BNC2: variants seen among roughly 807,000 people sequenced by gnomAD.
BNC2 encodes the protein basonuclin zinc finger protein 2.
BNC2 carries 20 observed loss-of-function variants against 76.3 expected under a neutral mutation model. That is an observed-to-expected ratio of 0.26 (90% CI 0.18 to 0.38). BNC2 has a LOEUF of 0.38. BNC2 is among the 10% of genes least tolerant of loss of function. BNC2 has a pLI of 1.00. For missense variants in BNC2, 1,382 were observed against 1,399.8 expected (o/e 0.99, Z 0.20); for synonymous variants, 582 against 514.8 (o/e 1.13, Z -1.77).
chr9:16,593,197 A>T (rs575560249), intron 3 of BNC2, among the ~76,000 whole-genome samples: 90 of 152,260 alleles, frequency 5.9e-4, no homozygotes, highest in Non-Finnish European at 1.1e-3. Context: ...CCAAGATACA[A>T]ATTTGGCTTA....
rs1420236905 is a variant in BNC2 at position 16,746,737 on chromosome 9, C to T, written c.4-8252G>A. The stretch of plus-strand genomic sequence containing the variant: ...CAGCACTTTTGGAGGCCGAGGCAGG[C>T]GGATCATGAGGTCAGGAGATCGAGA... On this transcript the variant is annotated intron_variant, in intron 1 of 6. Transcript: ENST00000380672. Among the ~76,000 whole-genome samples, 4 of 151,192 alleles carry T rather than the reference C, an allele frequency of 2.6e-5. No homozygotes were observed. The East Asian group carries it at 8.1e-4, about 31-fold the overall frequency.
rs552635960 is a variant in BNC2, at chr9:16,528,464, T to C, written c.669+24066A>G. On this transcript the variant is annotated intron_variant, in intron 5 of 6. Transcript: ENST00000380672. ...GAGTTGAGAGGAACAACTTCCACTG[T>C]TGATTTTCTAAATGTTAATATATGA... Among the ~76,000 whole-genome samples, 7 of 152,310 alleles carry C rather than the reference T, an allele frequency of 4.6e-5. No homozygotes were observed. In the East Asian group the frequency reaches 9.7e-4, roughly 21 times the overall value.
intron 5 of BNC2, among the ~76,000 whole-genome samples, chr9:16,443,064 CA>C (rs908689709): frequency 0.12 from 7,549 of 63,630 alleles, 105 homozygotes; most frequent in Middle Eastern, 0.25. Flanking sequence ...GAGACTCTGT[CA>C]AAAAAAAAAA....
intron 1 of BNC2, among the ~76,000 whole-genome samples, chr9:16,802,435 G>A (rs977583377): frequency 1.3e-5 from 2 of 152,156 alleles, no homozygotes; most frequent in African/African-American, 4.8e-5. Context: ...CCCATTCACT[G>A]GTGCTACAAT....
intron 1 of BNC2, among the ~76,000 whole-genome samples, chr9:16,740,499 T>C (rs1443555228): frequency 6.6e-6 from 1 of 152,232 alleles, no homozygotes; most frequent in Non-Finnish European, 1.5e-5. Flanking sequence ...TAAGAGTGAA[T>C]GTCTTTGTAG....
At chr9:16,450,012 T>C (rs1019440169) in intron 5 of BNC2, among the ~76,000 whole-genome samples, 2 of 152,236 alleles carry the variant, frequency 1.3e-5, no homozygotes, top group Non-Finnish European at 2.9e-5. Flanking sequence ...ATCATTTTTT[T>C]TCAGTGACTT....
At chr9:16,791,932 A>G (rs1459530827) in intron 1 of BNC2, among the ~76,000 whole-genome samples, 1 of 152,028 alleles carries the variant, frequency 6.6e-6, no homozygotes, top group Non-Finnish European at 1.5e-5. Flanking sequence ...GCAAAACTCC[A>G]TCTCTATCAA....
At chr9:16,458,042 T>G (rs1176748245) in intron 5 of BNC2, among the ~76,000 whole-genome samples, 1 of 152,134 alleles carries the variant, frequency 6.6e-6, no homozygotes, top group African/African-American at 2.4e-5. Flanking sequence ...TGTCTGTCTT[T>G]ATTTGAGCAC....
Position 16,731,591 on chromosome 9 carries a change from G to A in BNC2, c.130-3594C>T, listed in dbSNP as rs76732957. ...CTTCTGATGTTGATGATGTTTTAAC[G>A]TTTAAAATCTTCCAAGAAAAGGAAT... On this transcript the variant is annotated intron_variant, in intron 2 of 6. Coordinates refer to ENST00000380672, the MANE Select transcript of BNC2 (RefSeq NM_017637.6). 2.2e-3 allele frequency among the ~76,000 whole-genome samples: 329 copies of A among 152,262 alleles called. 1 individual carries two copies. The East Asian group carries it at 0.023, about 11-fold the overall frequency.
chr9:16,464,345 G>C (rs1189439224), intron 5 of BNC2, among the ~76,000 whole-genome samples: 1 of 151,892 alleles, frequency 6.6e-6, no homozygotes, highest in Non-Finnish European at 1.5e-5. Flanking sequence ...AGGTCATTAG[G>C]ATTAAGATTA....
chr9:16,512,499 C>A (rs958324785), intron 5 of BNC2, among the ~76,000 whole-genome samples: 1 of 152,156 alleles, frequency 6.6e-6, no homozygotes, highest in African/African-American at 2.4e-5. Context: ...CACACACACA[C>A]ACACACAAAT....
intron 3 of BNC2, among the ~76,000 whole-genome samples, chr9:16,714,163 T>C (rs1563911690): frequency 6.6e-6 from 1 of 152,332 alleles, no homozygotes; most frequent in East Asian, 1.9e-4. Context: ...GTGTTACCTT[T>C]ACATTACACC....
intron 5 of BNC2, among the ~76,000 whole-genome samples, chr9:16,497,014 G>A (rs973001404): frequency 6.6e-6 from 1 of 152,220 alleles, no homozygotes; most frequent in Admixed American, 6.5e-5. Flanking sequence ...TCTGAAGATA[G>A]CAGAGTAATT....
rs1363835905 is a variant in BNC2, at chr9:16,418,701, T to TGC, written c.*287_*288insGC. ...GTGTGTGTGTGTGTGTATGTGCATG[T>TGC]GTGTGTGTGTGTGTTTAAAGGGGTA... On this transcript the variant is annotated 3_prime_UTR_variant, in exon 7 of 7. Transcript: ENST00000380672. 15 of 405,832 alleles carry TGC rather than the reference T, an allele frequency of 3.7e-5. No individual in the cohort carries two copies. Among genetic ancestry groups the TGC allele is most frequent in the African/African-American group, 1.5e-4 (7 of 47,658 alleles). 25.1% of individuals were successfully genotyped at this position (405,832 alleles called of 1,614,324 possible).
intron 3 of BNC2, among the ~76,000 whole-genome samples, chr9:16,695,475 C>G (rs938144808): frequency 6.6e-6 from 1 of 151,648 alleles, no homozygotes; most frequent in Non-Finnish European, 1.5e-5. Context: ...AAAATACCCA[C>G]GTGCCCTGCA....
intron 5 of BNC2, among the ~76,000 whole-genome samples, chr9:16,497,889 A>G (rs1822423377): frequency 6.6e-6 from 1 of 151,870 alleles, no homozygotes; most frequent in Admixed American, 6.6e-5. Context: ...ATACTTGTAC[A>G]TGCATGTTTA....
chr9:16,582,365 C>T (rs1034237536), intron 4 of BNC2, among the ~76,000 whole-genome samples: 2 of 152,104 alleles, frequency 1.3e-5, no homozygotes, highest in African/African-American at 2.4e-5. Flanking sequence ...TCATATCCTT[C>T]GCGTGGGGTC....
At chr9:16,864,311 C>T (rs776700569) in intron 1 of BNC2, among the ~76,000 whole-genome samples, 55 of 152,202 alleles carry the variant, frequency 3.6e-4, no homozygotes, top group Middle Eastern at 3.4e-3. Context: ...AGATAAACTG[C>T]TAATAGATCC....
At chr9:16,715,234 T>G (rs1479911151) in intron 3 of BNC2, among the ~76,000 whole-genome samples, 2 of 152,234 alleles carry the variant, frequency 1.3e-5, no homozygotes, top group Non-Finnish European at 2.9e-5. Context: ...GCTTCTACCT[T>G]TATTTAAATT....
Sources: gnomAD v4.1 joint callset for allele counts (sites outside exome capture counted in the v4.1 genomes callset) on GRCh38, gnomAD v4.1.1 for gene constraint, MANE v1.5 for transcripts, NCBI Gene and HGNC (gene_info 2026-07-23, HGNC 2026-07-21) for gene names.